Variants in DLGAP1 observed in about 807,000 individuals in gnomAD.
The protein encoded by DLGAP1 is disks large-associated protein 1.
DLGAP1 carries 11 observed loss-of-function variants against 90.8 expected under a neutral mutation model. The ratio of observed to expected loss-of-function variants is 0.12; its 90% CI spans 0.08 to 0.20. DLGAP1 has a LOEUF of 0.20. Ranked by LOEUF, DLGAP1 falls within the 10% of genes least tolerant of loss-of-function variation. The pLI is 1.00. For synonymous variants in DLGAP1, 558 were observed against 540.7 expected (o/e 1.03, Z -0.44); for missense variants, 1,050 against 1,333.8 (o/e 0.79, Z 3.31).
At chr18:4,224,543 A>G (rs1489061266) in intron 1 of DLGAP1, among the ~76,000 whole-genome samples, 1 of 152,176 alleles carries the variant, frequency 6.6e-6, no homozygotes, top group Non-Finnish European at 1.5e-5. Flanking sequence ...CCTTGAGTGA[A>G]CACTGGCAGT....
At chr18:4,364,593 A>T (rs1049487490) in intron 1 of DLGAP1, among the ~76,000 whole-genome samples, 5 of 151,468 alleles carry the variant, frequency 3.3e-5, no homozygotes, top group African/African-American at 4.8e-5. Context: ...TGTGTAGTTT[A>T]AAAAAAAATC....
In DLGAP1 at chr18:3,879,647, A is replaced by T; in HGVS notation, c.422T>A (p.Leu141Gln). The T allele has an allele frequency of 6.2e-7, 1 of 1,605,706 alleles. No homozygotes were observed. Among genetic ancestry groups the T allele is most frequent in the Non-Finnish European group, 8.5e-7 (1 of 1,179,240 alleles). Residue 141 changes from leucine to glutamine, a missense_variant, in exon 4 of 13, where the codon CTG (leucine) becomes CAG (glutamine). Around this residue, in one of 2 missense-constraint regions of DLGAP1, gnomAD observed 485 missense variants for 454.1 expected, o/e 1.07. Transcript: ENST00000315677. The surrounding 1 kb of genome is among the most constrained non-coding windows in gnomAD (Gnocchi z 6.6). ...RSDSPGRIRHLVHSVQKLFTK... is the reference protein window; with the variant it reads ...RSDSPGRIRHQVHSVQKLFTK... ...GAAGAGCTTCTGGACCGAGTGCACC[A>T]GGTGGCGGATGCGGCCGGGGCTGTC... is the stretch of plus-strand genomic sequence containing the variant.
rs565203224 is a variant in DLGAP1, at chr18:4,381,029, C to G, written c.-267+73977G>C. On this transcript the variant is annotated intron_variant, in intron 1 of 12. Transcript: ENST00000315677. Reference sequence around the variant, plus strand: ...GAATACTCATTTAATTTATTTCCAACCAACCATCATTAATTTCCAACTGGC... The same window carrying G: ...GAATACTCATTTAATTTATTTCCAAGCAACCATCATTAATTTCCAACTGGC... Among the ~76,000 whole-genome samples, 3 of 152,308 alleles carry G rather than the reference C, an allele frequency of 2.0e-5. No individual in the cohort carries two copies. The South Asian group carries it at 6.2e-4, about 32-fold the overall frequency.
chr18:3,770,268 T>C lies in DLGAP1; in HGVS notation c.1173-27756A>G, dbSNP rs141896634. Among the ~76,000 whole-genome samples the C allele has an allele frequency of 9.9e-3, 1,515 of 152,274 alleles. 32 individuals carry two copies. Among genetic ancestry groups the C allele is most frequent in the African/African-American group, 0.032 (1,318 of 41,522 alleles). On this transcript the variant is annotated intron_variant, in intron 5 of 12. Coordinates refer to ENST00000315677, the MANE Select transcript of DLGAP1 (RefSeq NM_004746.4). ...CTGTCTGATAGGTCAGTGCTGTCAC[T>C]GTGGGAGAGAGAAGGCAGGCAGGAG...
chr18:4,108,367 G>C (rs112439990), intron 2 of DLGAP1, among the ~76,000 whole-genome samples: 1 of 152,026 alleles, frequency 6.6e-6, no homozygotes, highest in Non-Finnish European at 1.5e-5. Context: ...AGTTTTTCCT[G>C]GGGCTTTGGG....
chr18:3,983,231 AG>A (rs1205966335), intron 3 of DLGAP1: 1 of 152,152 alleles, frequency 6.6e-6, no homozygotes, highest in Non-Finnish European at 1.5e-5. Flanking sequence ...AAAAAGAAAA[AG>A]GTACCTTGAA....
intron 7 of DLGAP1, among the ~76,000 whole-genome samples, chr18:3,645,833 A>T (rs920310415): frequency 6.6e-6 from 1 of 152,198 alleles, no homozygotes; most frequent in Admixed American, 6.5e-5. Context: ...AAATAGTAGT[A>T]AGGGCATTTA....
At chr18:4,153,446 A>C (rs572912040) in intron 1 of DLGAP1, among the ~76,000 whole-genome samples, 1 of 152,224 alleles carries the variant, frequency 6.6e-6, no homozygotes, top group Non-Finnish European at 1.5e-5. Context: ...GACAGCACTG[A>C]GATTAAAATG....
chr18:4,411,625 G>A (rs2082779506), intron 1 of DLGAP1, among the ~76,000 whole-genome samples: 1 of 152,144 alleles, frequency 6.6e-6, no homozygotes, highest in African/African-American at 2.4e-5. Flanking sequence ...GGCTCAGCGA[G>A]GCAGCTTTTC....
At chr18:4,067,645 C>G (rs961430712) in intron 2 of DLGAP1, among the ~76,000 whole-genome samples, 2 of 151,916 alleles carry the variant, frequency 1.3e-5, no homozygotes, top group South Asian at 4.2e-4. Flanking sequence ...CTGAAACCTG[C>G]TACCTGGAGG....
rs142005261 is a variant in DLGAP1 at position 3,657,549 on chromosome 18, T to C, written c.1591+71586A>G. Among the ~76,000 whole-genome samples, 6 of 152,178 alleles carry C rather than the reference T, an allele frequency of 3.9e-5. No homozygotes were observed. In the East Asian group the frequency reaches 1.2e-3, roughly 29 times the overall value. On this transcript the variant is annotated intron_variant, in intron 7 of 12. Coordinates refer to ENST00000315677, the MANE Select transcript of DLGAP1 (RefSeq NM_004746.4). ...ACACAGTCTATAAGTAACAATGAAA[T>C]ATACAGTATTCTTTATGGCAAATTC...
chr18:3,600,921 G>A (rs1169438102), intron 7 of DLGAP1, among the ~76,000 whole-genome samples: 1 of 95,470 alleles, frequency 1.0e-5, no homozygotes, highest in Non-Finnish European at 2.2e-5. Context: ...GATAGATATA[G>A]ATATATATAG....
Position 3,605,231 on chromosome 18 carries a change from ATTC to A in DLGAP1, c.1592-22986_1592-22984del, listed in dbSNP as rs1169653758. The stretch of plus-strand genomic sequence containing the variant: ...GTGCAATCGATTCCTCGTTAGGGAT[ATTC>A]TTTCCTCTGGTTTTTCCTTCAGATA... On this transcript the variant is annotated intron_variant, in intron 7 of 12. Coordinates refer to ENST00000315677, the MANE Select transcript of DLGAP1 (RefSeq NM_004746.4). Among the ~76,000 whole-genome samples, 2 of 152,150 alleles carry A rather than the reference ATTC, an allele frequency of 1.3e-5. 1 individual carries two copies. The highest frequency in any genetic ancestry group is 2.9e-5 in the Non-Finnish European group (2 of 68,030).
intron 4 of DLGAP1, among the ~76,000 whole-genome samples, chr18:3,873,913 T>C (rs2070903531): frequency 6.6e-6 from 1 of 152,190 alleles, no homozygotes; most frequent in African/African-American, 2.4e-5. Context: ...AGATCATGTG[T>C]CAATTAAAGA....
At chr18:3,891,399 G>A (rs1004240702) in intron 3 of DLGAP1, among the ~76,000 whole-genome samples, 1 of 152,092 alleles carries the variant, frequency 6.6e-6, no homozygotes, top group Non-Finnish European at 1.5e-5. Context: ...GCTGAGTGTC[G>A]CTGGGGATGG....
At chr18:3,624,493 C>G (rs533591281) in intron 7 of DLGAP1, among the ~76,000 whole-genome samples, 2 of 152,312 alleles carry the variant, frequency 1.3e-5, no homozygotes, top group South Asian at 4.1e-4. Context: ...TCTGGAATTT[C>G]AAAGCCGACA....
intron 7 of DLGAP1, among the ~76,000 whole-genome samples, chr18:3,718,310 T>C (rs1406905120): frequency 6.6e-6 from 1 of 151,434 alleles, no homozygotes; most frequent in Non-Finnish European, 1.5e-5. Context: ...AATACAAAAA[T>C]TAGCCAGGAG....
chr18:3,504,110 TAAAC>T (rs1403882009), intron 11 of DLGAP1, among the ~76,000 whole-genome samples: 6 of 151,638 alleles, frequency 4.0e-5, no homozygotes, highest in Non-Finnish European at 8.8e-5. Context: ...AATAAATAAA[TAAAC>T]AGATAGATAG....
At chr18:4,247,827 G>C (rs144067428) in intron 1 of DLGAP1, among the ~76,000 whole-genome samples, 210 of 152,200 alleles carry the variant, frequency 1.4e-3, no homozygotes, top group African/African-American at 4.9e-3. Flanking sequence ...GGGATGTAAC[G>C]ATATTGCAGT....
Sources: gnomAD v4.1 joint callset for allele counts (sites outside exome capture counted in the v4.1 genomes callset) on GRCh38, gnomAD v4.1.1 for gene constraint, gnomAD v4.1.1 regional missense constraint, Gnocchi (gnomAD v3.1) non-coding constraint, MANE v1.5 for transcripts, NCBI Gene and HGNC (gene_info 2026-07-23, HGNC 2026-07-21) for gene names.